Variants in LARGE1 observed in about 807,000 individuals in gnomAD.
LARGE1 encodes xylosyl- and glucuronyltransferase LARGE1.
In LARGE1, 43 loss-of-function variants were observed where a neutral mutation model predicts 87.6. The ratio of observed to expected loss-of-function variants is 0.49; its 90% CI spans 0.38 to 0.63. The LOEUF (loss-of-function observed/expected upper bound fraction) is 0.63, where lower values mean the gene tolerates loss of function less well. Among genes scored for constraint, LARGE1 ranks in the 30% least tolerant of loss-of-function variants. LARGE1 has a pLI of 0.00. For missense variants in LARGE1, 802 were observed against 1,000.2 expected (o/e 0.80, Z 2.67); for synonymous variants, 434 against 394.6 (o/e 1.10, Z -1.18).
intron 11 of LARGE1, among the ~76,000 whole-genome samples, chr22:33,216,729 T>A (rs5998814): frequency 0.05 from 7,564 of 150,908 alleles, 637 homozygotes; most frequent in African/African-American, 0.18. Flanking sequence ...CCAGTGATAC[T>A]CTCTTGAGAT....
At chr22:33,196,736 G>A (rs969225578) in intron 11 of LARGE1, among the ~76,000 whole-genome samples, 4 of 151,848 alleles carry the variant, frequency 2.6e-5, no homozygotes, top group East Asian at 1.9e-4. Flanking sequence ...GAGAGGAAAC[G>A]AAGAATAAGG....
intron 2 of LARGE1, among the ~76,000 whole-genome samples, chr22:33,651,206 C>G (rs2080793232): frequency 2.9e-5 from 2 of 68,702 alleles, no homozygotes; most frequent in South Asian, 9.8e-4. Context: ...CCGGTGAAAC[C>G]CGGTCTCTAC....
intron 7 of LARGE1, among the ~76,000 whole-genome samples, chr22:33,428,994 T>C (rs919995939): frequency 6.8e-6 from 1 of 146,804 alleles, no homozygotes; most frequent in African/African-American, 2.5e-5. Context: ...GTGAAGTGAC[T>C]TGGCCAAGTT....
intron 1 of LARGE1, among the ~76,000 whole-genome samples, chr22:33,816,332 G>A (rs1465069010): frequency 2.0e-5 from 3 of 151,232 alleles, no homozygotes; most frequent in East Asian, 3.9e-4. Flanking sequence ...TAAACAACAG[G>A]CATTTATTTC....
intron 12 of LARGE1, among the ~76,000 whole-genome samples, chr22:33,303,330 TTCCCTTTCCTAGA>T: frequency 6.6e-6 from 1 of 152,212 alleles, no homozygotes; most frequent in African/African-American, 2.4e-5. Flanking sequence ...CCACCCCAGT[TTCCCTTTCCTAGA>T]TGAGTAACCC....
At chr22:33,282,807 A>G (rs1479827679) in intron 13 of LARGE1, among the ~76,000 whole-genome samples, 1 of 152,140 alleles carries the variant, frequency 6.6e-6, no homozygotes. Flanking sequence ...GTGCTAATAG[A>G]ATGAAACCCA....
intron 11 of LARGE1, among the ~76,000 whole-genome samples, chr22:33,209,104 G>T (rs143810044): frequency 6.6e-6 from 1 of 152,276 alleles, no homozygotes; most frequent in African/African-American, 2.4e-5. Context: ...GGATTGCTGG[G>T]TCAAATGGCA....
the LARGE1 span, among the ~76,000 whole-genome samples, chr22:33,132,375 G>C: frequency 6.6e-6 from 1 of 151,158 alleles, no homozygotes; most frequent in East Asian, 2.0e-4. Flanking sequence ...GTAGAGACGG[G>C]GTTTCACCAT....
the LARGE1 span, among the ~76,000 whole-genome samples, chr22:33,105,222 G>A: frequency 6.6e-6 from 1 of 151,174 alleles, no homozygotes; most frequent in Non-Finnish European, 1.5e-5. Flanking sequence ...GGCTGGTCTC[G>A]AACTCCTGAC....
At chr22:33,084,746 C>G in the LARGE1 span, among the ~76,000 whole-genome samples, 5 of 152,030 alleles carry the variant, frequency 3.3e-5, no homozygotes, top group Non-Finnish European at 4.4e-5. Context: ...TAAAAAGAAA[C>G]AGATGAAATT....
chr22:33,653,618 T>G (rs996277670), intron 2 of LARGE1, among the ~76,000 whole-genome samples: 2 of 152,144 alleles, frequency 1.3e-5, no homozygotes, highest in Admixed American at 1.3e-4. Context: ...ATGGGAGGCT[T>G]AAGCAAAATA....
chr22:33,628,701 A>C (rs1216789413), intron 3 of LARGE1, among the ~76,000 whole-genome samples: 1 of 152,198 alleles, frequency 6.6e-6, no homozygotes, highest in Non-Finnish European at 1.5e-5. Context: ...CCTTCAGACC[A>C]ATAATTCACA....
At chr22:33,752,590 C>T (rs1305813893) in intron 2 of LARGE1, among the ~76,000 whole-genome samples, 1 of 152,132 alleles carries the variant, frequency 6.6e-6, no homozygotes, top group Non-Finnish European at 1.5e-5. Context: ...TTCTCATGAG[C>T]TGTAAATGAA....
chr22:33,716,650 T>G (rs1244281768), intron 2 of LARGE1, among the ~76,000 whole-genome samples: 1 of 152,176 alleles, frequency 6.6e-6, no homozygotes, highest in African/African-American at 2.4e-5. Flanking sequence ...TCCACCTGCC[T>G]CGGCCTCCCC....
chr22:33,520,150 C>G (rs948740233), intron 6 of LARGE1, among the ~76,000 whole-genome samples: 1 of 151,850 alleles, frequency 6.6e-6, no homozygotes, highest in Non-Finnish European at 1.5e-5. Context: ...GGCTACAGGC[C>G]TGTGCTGCCA....
At position 33,638,323 on chromosome 22, in the gene LARGE1, G is replaced by A. The variant is rs888615569; in HGVS notation, c.409-11997C>T. Among the ~76,000 whole-genome samples the A allele has an allele frequency of 7.2e-5, 11 of 152,222 alleles. No individual in the cohort carries two copies. In the South Asian group the frequency reaches 1.9e-3, roughly 26 times the overall value. On this transcript the variant is annotated intron_variant, in intron 3 of 14. Transcript: ENST00000397394. ...CAGCAAAATGCAAACGCCCCACTAA[G>A]CTAATAAATACATCCATAGTCTGGA...
chr22:33,680,440 G>A (rs1234836076), intron 2 of LARGE1, among the ~76,000 whole-genome samples: 1 of 149,662 alleles, frequency 6.7e-6, no homozygotes, highest in African/African-American at 2.4e-5. Context: ...CAAACCTTTG[G>A]GAGATTTCTA....
chr22:33,306,342 C>T (rs761223160), intron 11 of LARGE1, among the ~76,000 whole-genome samples: 25 of 152,174 alleles, frequency 1.6e-4, no homozygotes, highest in Non-Finnish European at 2.6e-4. Context: ...TGTACAACTC[C>T]TCTGAGAATT....
intron 10 of LARGE1, among the ~76,000 whole-genome samples, chr22:33,330,669 G>C (rs1024479592): frequency 6.6e-6 from 1 of 152,182 alleles, no homozygotes; most frequent in Non-Finnish European, 1.5e-5. Flanking sequence ...CAAACTATGA[G>C]AGACAAGTGG....
Sources: allele counts gnomAD v4.1 joint callset (sites outside exome capture counted in the v4.1 genomes callset), GRCh38; gene constraint gnomAD v4.1.1; transcripts MANE v1.5; gene names NCBI Gene and HGNC (gene_info 2026-07-23, HGNC 2026-07-21).